The following SORCS3 variants were observed in gnomAD, a reference collection of about 807,000 sequenced individuals.
SORCS3 encodes the protein VPS10 domain-containing receptor SorCS3.
In SORCS3, 57 loss-of-function variants were observed where a neutral mutation model predicts 146.3. The observed-to-expected ratio is 0.39, with a 90% CI of 0.31 to 0.49. The LOEUF (loss-of-function observed/expected upper bound fraction) is 0.49, where lower values mean the gene tolerates loss of function less well. SORCS3 is among the 20% of genes least tolerant of loss of function. SORCS3 has a pLI of 0.92. For synonymous variants in SORCS3, 653 were observed against 618.5 expected, an observed-to-expected ratio of 1.06 and a Z score of -0.83; for missense variants, 1,341 against 1,575.5, an observed-to-expected ratio of 0.85 and a Z score of 2.52.
intron 2 of SORCS3, among the ~76,000 whole-genome samples, chr10:104,852,435 T>C (rs2018283015): frequency 6.6e-6 from 1 of 152,222 alleles, no homozygotes; most frequent in Non-Finnish European, 1.5e-5. Context: ...GATATTTGCC[T>C]AAGTGATTTT....
intron 3 of SORCS3, among the ~76,000 whole-genome samples, chr10:104,936,515 T>C (rs759229233): frequency 1.3e-5 from 2 of 152,102 alleles, no homozygotes; most frequent in Non-Finnish European, 2.9e-5. Context: ...AAAACATAGA[T>C]GGACTGCAGA....
intron 7 of SORCS3, among the ~76,000 whole-genome samples, chr10:105,109,679 T>A (rs2055846447): frequency 1.3e-5 from 2 of 152,114 alleles, no homozygotes; most frequent in South Asian, 4.1e-4. Flanking sequence ...CAGTCTCATA[T>A]TTTTCATTAA....
intron 1 of SORCS3, among the ~76,000 whole-genome samples, chr10:104,671,123 C>T (rs941818412): frequency 6.0e-5 from 9 of 150,838 alleles, no homozygotes; most frequent in African/African-American, 1.7e-4. Flanking sequence ...CTTTCCAATT[C>T]GTATGCCTTT....
chr10:104,852,728 C>T (rs1564698391), intron 2 of SORCS3, among the ~76,000 whole-genome samples: 2 of 152,172 alleles, frequency 1.3e-5, no homozygotes, highest in South Asian at 2.1e-4. Context: ...GAGTGATGAG[C>T]GTAATCATTC....
intron 5 of SORCS3, among the ~76,000 whole-genome samples, chr10:105,069,644 A>G (rs2055544859): frequency 6.6e-6 from 1 of 152,208 alleles, no homozygotes; most frequent in African/African-American, 2.4e-5. Context: ...ATCTTTCTGA[A>G]GCATCTAATA....
At chr10:104,935,746 G>A (rs1366324500) in intron 3 of SORCS3, among the ~76,000 whole-genome samples, 4 of 151,712 alleles carry the variant, frequency 2.6e-5, no homozygotes, top group Admixed American at 6.6e-5. Flanking sequence ...TAATGGTGGG[G>A]TGGGTTGGGG....
At chr10:104,643,215 A>G (rs1339737167) in intron 1 of SORCS3, among the ~76,000 whole-genome samples, 1 of 151,776 alleles carries the variant, frequency 6.6e-6, no homozygotes, top group Non-Finnish European at 1.5e-5. Context: ...TCACCCCGCA[A>G]CTCCCTGCCG....
At chr10:104,878,010 A>T (rs1296629128) in intron 2 of SORCS3, among the ~76,000 whole-genome samples, 1 of 152,180 alleles carries the variant, frequency 6.6e-6, no homozygotes, top group African/African-American at 2.4e-5. Context: ...GAATATCTTG[A>T]CCATCATCTC....
intron 9 of SORCS3, among the ~76,000 whole-genome samples, chr10:105,153,632 A>G (rs1291781565): frequency 7.6e-6 from 1 of 130,960 alleles, no homozygotes; most frequent in Non-Finnish European, 1.6e-5. Context: ...AGAGAGAGAG[A>G]GAGTGTGTGT....
At chr10:104,976,254 A>C (rs1042885030) in intron 3 of SORCS3, among the ~76,000 whole-genome samples, 5 of 152,254 alleles carry the variant, frequency 3.3e-5, no homozygotes, top group African/African-American at 9.6e-5. Context: ...GGCAAAGGAC[A>C]TGAATAGACA....
At chr10:105,222,534 A>C (rs2056710078) in intron 19 of SORCS3, among the ~76,000 whole-genome samples, 1 of 152,170 alleles carries the variant, frequency 6.6e-6, no homozygotes, top group Non-Finnish European at 1.5e-5. Flanking sequence ...CCTTTCTGCA[A>C]GCAGATTTCT....
intron 4 of SORCS3, among the ~76,000 whole-genome samples, chr10:104,984,426 T>C (rs914015562): frequency 6.6e-5 from 10 of 152,142 alleles, no homozygotes; most frequent in African/African-American, 2.4e-4. Context: ...TGCAAATGAA[T>C]TTTCCTTCCT....
At chr10:104,888,040 GT>G (rs138928480) in intron 2 of SORCS3, among the ~76,000 whole-genome samples, 51,890 of 147,176 alleles carry the variant, frequency 0.35, 12,208 homozygotes, top group African/African-American at 0.67. Context: ...TTTATGGTGT[GT>G]TTTTTTTGAA....
At chr10:104,769,715 G>T (rs986016829) in intron 1 of SORCS3, among the ~76,000 whole-genome samples, 1 of 152,068 alleles carries the variant, frequency 6.6e-6, no homozygotes, top group South Asian at 2.1e-4. Context: ...GGTGTCTAGG[G>T]TGATGCTGTC....
At chr10:105,134,085 A>G (rs554183933) in intron 7 of SORCS3, among the ~76,000 whole-genome samples, 3 of 152,226 alleles carry the variant, frequency 2.0e-5, no homozygotes, top group Non-Finnish European at 4.4e-5. Context: ...AAGATGTTGG[A>G]ATCAAGATAA....
chr10:105,205,111 A>C (rs905583455), intron 16 of SORCS3, among the ~76,000 whole-genome samples: 4 of 152,138 alleles, frequency 2.6e-5, no homozygotes, highest in Non-Finnish European at 5.9e-5. Flanking sequence ...AGTTCATTTG[A>C]TTGATCTAGG....
At chr10:105,014,577 T>G (rs2055154615) in intron 4 of SORCS3, among the ~76,000 whole-genome samples, 1 of 152,150 alleles carries the variant, frequency 6.6e-6, no homozygotes, top group African/African-American at 2.4e-5. Flanking sequence ...ATATTATAAG[T>G]TTATAAGCAA....
chr10:104,881,722 G>A (rs2018631939), intron 2 of SORCS3, among the ~76,000 whole-genome samples: 1 of 152,172 alleles, frequency 6.6e-6, no homozygotes, highest in South Asian at 2.1e-4. Flanking sequence ...TTGAAGAAGT[G>A]TGTAGTAACT....
intron 4 of SORCS3, among the ~76,000 whole-genome samples, chr10:105,016,134 A>AATATATATATATATATATATATATATAT (rs1355412638): frequency 7.0e-5 from 8 of 113,672 alleles, no homozygotes; most frequent in Non-Finnish European, 1.0e-4. Flanking sequence ...ATATTATATA[A>AATATATATATATATATATATATATATAT]ATATATATAT....
Sources: gnomAD v4.1 joint callset for allele counts (sites outside exome capture counted in the v4.1 genomes callset) on GRCh38, gnomAD v4.1.1 for gene constraint, MANE v1.5 for transcripts, NCBI Gene and HGNC (gene_info 2026-07-23, HGNC 2026-07-21) for gene names.